The following RNF38 variants were observed in gnomAD, a reference collection of about 807,000 sequenced individuals.
RNF38 encodes the protein ring finger protein 38, also known as E3 ubiquitin-protein ligase RNF38.
Under a neutral mutation model 67.2 loss-of-function variants are expected in RNF38, and 15 were observed. That is an observed-to-expected ratio of 0.22 (90% CI 0.15 to 0.34). The LOEUF is 0.34. RNF38 is among the 10% of genes least tolerant of loss of function. RNF38 has a pLI of 1.00. For missense variants in RNF38, 524 were observed against 639.9 expected, an observed-to-expected ratio of 0.82 and a Z score of 1.95; for synonymous variants, 220 against 218.8, an observed-to-expected ratio of 1.01 and a Z score of -0.05.
At chr9:36,418,779 C>G (rs1296505927) in intron 2 of RNF38, among the ~76,000 whole-genome samples, 1 of 151,700 alleles carries the variant, frequency 6.6e-6, no homozygotes, top group Admixed American at 6.6e-5. Flanking sequence ...GAGCAAGACT[C>G]TGTCTCAAAA....
rs536485531 is a variant in RNF38 at position 36,468,502 on chromosome 9, T to C, written n.241+18806A>G. Among the ~76,000 whole-genome samples the C allele has an allele frequency of 4.6e-5, 7 of 152,258 alleles. No homozygotes were observed. The East Asian group carries it at 9.7e-4, about 21-fold the overall frequency. On this transcript the variant is annotated intron_variant and non_coding_transcript_variant, in intron 1 of 3. Transcript: ENST00000488058. ...GAAAAGATATCCAGCCCAGATTTCT[T>C]TTAACTTTTTATAAAATTAAATACA...
At chr9:36,369,646 A>T in intron 4 of RNF38, 73 bp downstream of exon 4, 1 of 1,235,830 alleles carries the variant, frequency 8.1e-7, no homozygotes, top group Non-Finnish European at 1.1e-6. Context: ...TGCAACAAAA[A>T]GCCAAAAAAA....
Position 36,353,056 on chromosome 9 carries a change from G to A in RNF38, c.1071+114C>T, listed in dbSNP as rs1324508926. On this transcript the variant is annotated intron_variant, in intron 7 of 11. Transcript: ENST00000259605. ...TATTTCTAAATATAACTTTCCAACT[G>A]AATGCTGTCGAGAATACATATAATT... is the stretch of plus-strand genomic sequence containing the variant. The A allele has an allele frequency of 8.2e-6, 8 of 980,644 alleles. No homozygotes were observed. The East Asian group carries it at 1.3e-4, about 16-fold the overall frequency. The allele number at this position is 980,644 out of a possible 1,614,324, so 60.7% of individuals were successfully genotyped here. A position where few individuals can be genotyped will look rare whatever the true frequency, so the allele number is the denominator to read the frequency against.
At chr9:36,478,945 T>C (rs1840187211) in intron 1 of RNF38, among the ~76,000 whole-genome samples, 1 of 152,156 alleles carries the variant, frequency 6.6e-6, no homozygotes, top group South Asian at 2.1e-4. Flanking sequence ...CCCAGATTTC[T>C]ATATATTTTC....
chr9:36,339,699 G>T lies in RNF38; in HGVS notation c.*53C>A. 1 of 1,391,982 alleles carries T rather than the reference G, an allele frequency of 7.2e-7. No homozygotes were observed. Among genetic ancestry groups the T allele is most frequent in the Non-Finnish European group, 1.0e-6 (1 of 986,360 alleles). 86.2% of individuals were successfully genotyped at this position (1,391,982 alleles called of 1,614,324 possible). On this transcript the variant is annotated 3_prime_UTR_variant, in exon 12 of 12. Coordinates refer to ENST00000259605, the MANE Select transcript of RNF38 (RefSeq NM_022781.5). ...ACAGATTAAGTTCAATGGATAGTCCGTATATACATGTGATGAGGAACACCC... is the reference window on the plus strand; with the variant it reads ...ACAGATTAAGTTCAATGGATAGTCCTTATATACATGTGATGAGGAACACCC...
intron 1 of RNF38, among the ~76,000 whole-genome samples, chr9:36,460,675 G>A (rs1461016181): frequency 6.6e-6 from 1 of 151,394 alleles, no homozygotes; most frequent in African/African-American, 2.4e-5. Context: ...ATCAGCTGAG[G>A]TTCGGAGTTC....
intron 9 of RNF38, among the ~76,000 whole-genome samples, chr9:36,347,420 TA>T (rs1833346330): frequency 1.3e-5 from 2 of 152,184 alleles, no homozygotes; most frequent in Admixed American, 6.5e-5. Flanking sequence ...GCAAATCTAT[TA>T]ATTCAATTTT....
rs116295926 is a variant in RNF38, at chr9:36,397,889, T to G, written c.12+2208A>C. 5.4e-3 allele frequency among the ~76,000 whole-genome samples: 828 copies of G among 152,238 alleles called. 9 individuals carry two copies. Among genetic ancestry groups the G allele is most frequent in the African/African-American group, 0.019 (786 of 41,528 alleles). ...TACTTAGGTTGGTTACCACAAAGAA[T>G]TACACAGATGTGAAAAAATATCTAG... On this transcript the variant is annotated intron_variant, in intron 1 of 11. Transcript: ENST00000259605.
chr9:36,373,727 G>A (rs935968508), intron 3 of RNF38, among the ~76,000 whole-genome samples: 13 of 151,880 alleles, frequency 8.6e-5, no homozygotes, highest in Non-Finnish European at 1.0e-4. Context: ...CGCCTGCCTC[G>A]GCCTCCCAAA....
At chr9:36,354,680 A>G (rs1833965121) in intron 6 of RNF38, among the ~76,000 whole-genome samples, 1 of 152,196 alleles carries the variant, frequency 6.6e-6, no homozygotes, top group African/African-American at 2.4e-5. Context: ...GTTGACAGAC[A>G]TTTGGATTGT....
intron 1 of RNF38, among the ~76,000 whole-genome samples, chr9:36,472,025 T>TA (rs1564076004): frequency 6.6e-6 from 1 of 152,184 alleles, no homozygotes; most frequent in African/African-American, 2.4e-5. Flanking sequence ...ATATCAATTT[T>TA]AAAAAAACAA....
chr9:36,352,615 C>G, intron 8 of RNF38, 127 bp downstream of exon 8: 1 of 748,994 alleles, frequency 1.3e-6, no homozygotes, highest in Non-Finnish European at 2.3e-6. Context: ...TCCCACCCCA[C>G]CCTTTAACAT....
intron 11 of RNF38, among the ~76,000 whole-genome samples, chr9:36,342,046 A>G (rs186250905): frequency 1.3e-5 from 2 of 152,188 alleles, no homozygotes; most frequent in African/African-American, 2.4e-5. Context: ...CTAAACTCTC[A>G]AACTGTGGCC....
At chr9:36,368,128 A>T (rs538487654) in intron 4 of RNF38, among the ~76,000 whole-genome samples, 2 of 152,354 alleles carry the variant, frequency 1.3e-5, no homozygotes, top group African/African-American at 4.8e-5. Flanking sequence ...TGCTGGGATT[A>T]CAGACGTGGG....
At chr9:36,471,711 T>C (rs982231899) in intron 1 of RNF38, among the ~76,000 whole-genome samples, 2 of 152,230 alleles carry the variant, frequency 1.3e-5, no homozygotes, top group Non-Finnish European at 2.9e-5. Flanking sequence ...AGAGTCAAAT[T>C]GTAACTTCAG....
At chr9:36,383,875 C>A (rs2133942714) in intron 2 of RNF38, among the ~76,000 whole-genome samples, 1 of 151,806 alleles carries the variant, frequency 6.6e-6, no homozygotes. Flanking sequence ...CTCAGAAAGG[C>A]ACTCTAGTAG....
chr9:36,472,966 T>C (rs2134419324), intron 1 of RNF38, among the ~76,000 whole-genome samples: 1 of 152,044 alleles, frequency 6.6e-6, no homozygotes, highest in African/African-American at 2.4e-5. Flanking sequence ...ACTCTGTCTC[T>C]ACTAATAATA....
At chr9:36,376,591 CCTT>C (rs544987949) in intron 2 of RNF38, among the ~76,000 whole-genome samples, 204 of 152,214 alleles carry the variant, frequency 1.3e-3, no homozygotes, top group Middle Eastern at 6.8e-3. Flanking sequence ...TCCTCTCCCT[CCTT>C]CTATCTGTTT....
At chr9:36,470,147 C>T (rs1839961815) in intron 1 of RNF38, among the ~76,000 whole-genome samples, 1 of 152,130 alleles carries the variant, frequency 6.6e-6, no homozygotes, top group Non-Finnish European at 1.5e-5. Flanking sequence ...AATCTGCAGG[C>T]CCCACCCAGT....
Sources: gnomAD v4.1 joint callset for allele counts (sites outside exome capture counted in the v4.1 genomes callset) on GRCh38, gnomAD v4.1.1 for gene constraint, MANE v1.5 for transcripts, NCBI Gene and HGNC (gene_info 2026-07-23, HGNC 2026-07-21) for gene names.